CDON: variants seen among roughly 807,000 people sequenced by gnomAD.
CDON encodes the protein cell adhesion molecule-related/down-regulated by oncogenes.
Under a neutral mutation model 120.9 loss-of-function variants are expected in CDON, and 73 were observed. That is an observed-to-expected ratio of 0.60 (90% CI 0.50 to 0.73). CDON has a LOEUF of 0.73. CDON is among the 30% of genes least tolerant of loss of function. CDON has a pLI of 0.00. For synonymous variants in CDON, 566 were observed against 573.5 expected, an observed-to-expected ratio of 0.99 and a Z score of 0.19; for missense variants, 1,470 against 1,587.3, an observed-to-expected ratio of 0.93 and a Z score of 1.26.
rs532016664 is a variant in CDON at position 126,058,421 on chromosome 11, T to C, written c.-62+4158A>G. 1.3e-3 allele frequency among the ~76,000 whole-genome samples: 201 copies of C among 152,332 alleles called. 1 individual carries two copies. Among genetic ancestry groups the C allele is most frequent in the African/African-American group, 4.7e-3 (194 of 41,572 alleles). On this transcript the variant is annotated intron_variant, in intron 1 of 19. Transcript: ENST00000531738. ...CCAATTCATTCAAGGGTCCTTTCAA[T>C]CTGGCCATAGTAGTAGGAGAAATGC...
At chr11:126,059,485 C>G (rs1248377396) in intron 1 of CDON, among the ~76,000 whole-genome samples, 1 of 151,180 alleles carries the variant, frequency 6.6e-6, no homozygotes, top group African/African-American at 2.4e-5. Flanking sequence ...CCTCAACCCC[C>G]CCTGCCCGCA....
chr11:125,960,804 A>G lies in CDON; in HGVS notation c.*138T>C, dbSNP rs564144050. The G allele has an allele frequency of 2.5e-5, 20 of 811,816 alleles. No homozygotes were observed. The East Asian group carries it at 4.6e-4, about 19-fold the overall frequency. The allele number at this position is 811,816 out of a possible 1,614,324, so 50.3% of individuals were successfully genotyped here. A position where few individuals can be genotyped will look rare whatever the true frequency, so the allele number is the denominator to read the frequency against. Reference sequence around the variant, plus strand: ...AGGGCACACGTTTTAAGATACATTCATATGACATTACTACTACAAAAAAAT... The same window carrying G: ...AGGGCACACGTTTTAAGATACATTCGTATGACATTACTACTACAAAAAAAT... On this transcript the variant is annotated 3_prime_UTR_variant, in exon 20 of 20. Transcript: ENST00000531738.
At chr11:126,045,568 T>G (rs1233430724) in intron 1 of CDON, among the ~76,000 whole-genome samples, 1 of 152,184 alleles carries the variant, frequency 6.6e-6, no homozygotes. Flanking sequence ...TCGTTTTAGT[T>G]TTATAAGATG....
intron 18 of CDON, among the ~76,000 whole-genome samples, chr11:125,962,445 C>T (rs1158079132): frequency 6.6e-6 from 1 of 152,212 alleles, no homozygotes; most frequent in Admixed American, 6.5e-5. Context: ...TAACCAAAAA[C>T]ACACTGCTTT....
intron 1 of CDON, 41 bp from the exon 2 acceptor site, chr11:126,023,578 C>A (rs1339750757): frequency 3.4e-6 from 3 of 893,386 alleles, no homozygotes; most frequent in Non-Finnish European, 5.6e-6. Context: ...CCATTGAAAT[C>A]TTTCGTCTGA....
chr11:126,047,457 A>G (rs1403523666), intron 1 of CDON, among the ~76,000 whole-genome samples: 1 of 151,962 alleles, frequency 6.6e-6, no homozygotes, highest in Non-Finnish European at 1.5e-5. Flanking sequence ...TTTTAATCCT[A>G]CTCATTTGAT....
chr11:126,010,718 T>C (rs761530426), intron 7 of CDON, 24 bp from the exon 8 acceptor site: 17 of 1,587,076 alleles, frequency 1.1e-5, no homozygotes, highest in East Asian at 4.5e-5. Flanking sequence ...AATTCACATA[T>C]GAAAAATGAA....
intron 7 of CDON, 148 bp downstream of exon 7, chr11:126,015,093 T>A (rs761431944): frequency 1.3e-6 from 1 of 759,538 alleles, no homozygotes; most frequent in Non-Finnish European, 2.2e-6. Flanking sequence ...TGCCTACCTG[T>A]CACTAGCCAG....
rs766549135 is a variant in CDON, at chr11:126,017,390, G to A, written c.641-15C>T. 1 of 1,612,832 alleles carries A rather than the reference G, an allele frequency of 6.2e-7. No individual in the cohort carries two copies. The highest frequency in any genetic ancestry group is 8.5e-7 in the Non-Finnish European group (1 of 1,178,866). On this transcript the variant is annotated splice_polypyrimidine_tract_variant and intron_variant, in intron 5 of 19. Transcript: ENST00000531738. ...TGAAGAAGGACCTGGAAAAGGAAAGGAGATGAGAGATTATTAGTAAGTCTT... is the reference window on the plus strand; with the variant it reads ...TGAAGAAGGACCTGGAAAAGGAAAGAAGATGAGAGATTATTAGTAAGTCTT...
Position 125,994,292 on chromosome 11 carries a change from A to T in CDON, c.2642T>A (p.Val881Asp). 6.3e-7 allele frequency: 1 copy of T among 1,577,892 alleles called. No homozygotes were observed. The highest frequency in any genetic ancestry group is 8.7e-7 in the Non-Finnish European group (1 of 1,147,372). ...TGTGCCAGGGGACTTACCTTCTACA[A>T]CATCCCTCTTGTAATCACTGTCATT... The part of the protein sequence containing the change: ...SDNDSDYKRD[V>D]VEGSKQWHMI... Residue 881 changes from valine (V) to aspartate (D), a missense_variant, in exon 14 of 20, where the codon GTT (valine) becomes GAT (aspartate). Transcript: ENST00000531738.
chr11:125,986,030 G>A (rs577700224), intron 15 of CDON, among the ~76,000 whole-genome samples: 113 of 152,234 alleles, frequency 7.4e-4, no homozygotes, highest in Non-Finnish European at 1.3e-3. Context: ...TGTTTAGTGC[G>A]GCACTATTCA....
rs141994408 is a variant in CDON at position 125,959,485 on chromosome 11, C to G, written c.*1457G>C. Reference sequence around the variant, plus strand: ...AAGGCAGCTGCAAATGTCCTTGTCACGCAGAGGCAGCCGTGGTCAGGAGCT... The same window carrying G: ...AAGGCAGCTGCAAATGTCCTTGTCAGGCAGAGGCAGCCGTGGTCAGGAGCT... On this transcript the variant is annotated 3_prime_UTR_variant, in exon 20 of 20. Transcript: ENST00000531738. 6.6e-6 allele frequency: 1 copy of G among 152,032 alleles called. No homozygotes were observed. Among genetic ancestry groups the G allele is most frequent in the Non-Finnish European group, 1.5e-5 (1 of 68,016 alleles). The allele number at this position is 152,032 out of a possible 1,614,324, so 9.4% of individuals were successfully genotyped here. A position where few individuals can be genotyped will look rare whatever the true frequency, so the allele number is the denominator to read the frequency against.
At chr11:126,038,521 G>A (rs7103741) in intron 1 of CDON, among the ~76,000 whole-genome samples, 1,666 of 151,962 alleles carry the variant, frequency 0.011, 32 homozygotes, top group African/African-American at 0.038. Context: ...GCATGGTGGC[G>A]GGCACCTGTA....
At chr11:126,015,116 T>C (rs1350292761) in intron 7 of CDON, 125 bp downstream of exon 7, 3 of 910,694 alleles carry the variant, frequency 3.3e-6, no homozygotes, top group Non-Finnish European at 3.6e-6. Context: ...CCATGGAAAA[T>C]GAACACCGTT....
rs538875669 is a variant in CDON at position 126,016,357 on chromosome 11, T to C, written c.928+731A>G. 1.3e-4 allele frequency among the ~76,000 whole-genome samples: 20 copies of C among 152,282 alleles called. No homozygotes were observed. In the South Asian group the frequency reaches 2.3e-3, roughly 17 times the overall value. On this transcript the variant is annotated intron_variant, in intron 6 of 19. Transcript: ENST00000531738. ...ACATAGAAATGTGGGTGGAAATAAT[T>C]CAATTTTATCACCCAGGCATTGGTA...
Position 126,038,486 on chromosome 11 carries a change from T to C in CDON, c.-61-14949A>G, listed in dbSNP as rs562879158. On this transcript the variant is annotated intron_variant, in intron 1 of 19. Transcript: ENST00000531738. Reference sequence around the variant, plus strand: ...GGCCAACATGGTGAAAACGTGTCTCTACTAAAAATACAAAAATTAGCTGGG... The same window carrying C: ...GGCCAACATGGTGAAAACGTGTCTCCACTAAAAATACAAAAATTAGCTGGG... Among the ~76,000 whole-genome samples, 3 of 152,112 alleles carry C rather than the reference T, an allele frequency of 2.0e-5. No individual in the cohort carries two copies. The East Asian group carries it at 5.8e-4, about 29-fold the overall frequency.
chr11:126,043,465 C>T (rs911410933), intron 1 of CDON, among the ~76,000 whole-genome samples: 5 of 152,132 alleles, frequency 3.3e-5, no homozygotes, highest in African/African-American at 1.2e-4. Context: ...CTTTGCTGGG[C>T]GTTTTGTCCA....
rs140975280 is a variant in CDON at position 126,015,414 on chromosome 11, T to A, written c.1025A>T (p.Asn342Ile). Residue 342 changes from asparagine to isoleucine, a missense_variant, in exon 7 of 20, where the codon AAC becomes ATC. Asn to Ile is a moderately radical substitution (Grantham distance 149). Coordinates refer to ENST00000531738, the MANE Select transcript of CDON (RefSeq NM_001378964.1). ...CTGTGCATTGTGAAACCAGGTACAGTTGGGGGCTGGGTTCCCATGAACGTC... is the reference window on the plus strand; with the variant it reads ...CTGTGCATTGTGAAACCAGGTACAGATGGGGGCTGGGTTCCCATGAACGTC... ...TCDVHGNPAP[N>I]CTWFHNAQPI... 1.9e-6 allele frequency: 3 copies of A among 1,614,116 alleles called. No homozygotes were observed.
chr11:126,003,145 T>A (rs1042090925), intron 10 of CDON, among the ~76,000 whole-genome samples: 2 of 152,214 alleles, frequency 1.3e-5, no homozygotes, highest in Non-Finnish European at 2.9e-5. Context: ...AATGTACTTA[T>A]AACTTACGTG....
Sources: gnomAD v4.1 joint callset for allele counts (sites outside exome capture counted in the v4.1 genomes callset) on GRCh38, gnomAD v4.1.1 for gene constraint, MANE v1.5 for transcripts, NCBI Gene and HGNC (gene_info 2026-07-23, HGNC 2026-07-21) for gene names.